The following TNR variants were observed in gnomAD, a reference collection of about 807,000 sequenced individuals.
The protein encoded by TNR is tenascin-R.
A neutral mutation model predicts 150.4 loss-of-function variants in TNR; 45 were observed. That is an observed-to-expected ratio of 0.30 (90% CI 0.24 to 0.38). TNR has a LOEUF of 0.38. TNR is among the 10% of genes least tolerant of loss of function. TNR has a pLI of 1.00. For missense variants in TNR, 1,544 were observed against 1,759.1 expected, an observed-to-expected ratio of 0.88 and a Z score of 2.19; for synonymous variants, 687 against 678.4, an observed-to-expected ratio of 1.01 and a Z score of -0.20.
In TNR at chr1:175,570,350, G is replaced by A. The variant is rs146689500; in HGVS notation, c.-164-41981C>T. Reference sequence around the variant, plus strand: ...TGGTAATTGAGGGCAGTTGGGGTGCGGAGGAGAAAAAAGAAAGGAGCTGAG... The same window carrying A: ...TGGTAATTGAGGGCAGTTGGGGTGCAGAGGAGAAAAAAGAAAGGAGCTGAG... On this transcript the variant is annotated intron_variant, in intron 1 of 22. Coordinates refer to ENST00000367674, the MANE Select transcript of TNR (RefSeq NM_003285.3). 1.8e-3 allele frequency among the ~76,000 whole-genome samples: 271 copies of A among 152,234 alleles called. 4 individuals carry two copies. The East Asian group carries it at 0.042, about 24-fold the overall frequency.
chr1:175,414,596 G>A (rs1201485748), intron 2 of TNR, among the ~76,000 whole-genome samples: 2 of 152,122 alleles, frequency 1.3e-5, no homozygotes, highest in East Asian at 1.9e-4. Flanking sequence ...AGGTGTCTCC[G>A]GGTAATTTGT....
At chr1:175,564,045 G>C (rs940913759) in intron 1 of TNR, among the ~76,000 whole-genome samples, 1 of 152,216 alleles carries the variant, frequency 6.6e-6, no homozygotes, top group Non-Finnish European at 1.5e-5. Context: ...TAGAGAACCA[G>C]TTGTTGATTT....
intron 2 of TNR, among the ~76,000 whole-genome samples, chr1:175,507,673 T>G (rs923571302): frequency 6.6e-6 from 1 of 152,204 alleles, no homozygotes; most frequent in Non-Finnish European, 1.5e-5. Flanking sequence ...CCCAGCATAA[T>G]GAACTCCTAC....
chr1:175,431,905 C>T (rs953853679), intron 2 of TNR, among the ~76,000 whole-genome samples: 1 of 130,156 alleles, frequency 7.7e-6, no homozygotes, highest in African/African-American at 2.7e-5. Context: ...GTTTATGGAC[C>T]ATAATATCTC....
intron 1 of TNR, among the ~76,000 whole-genome samples, chr1:175,704,677 C>G (rs1299361887): frequency 6.6e-6 from 1 of 152,188 alleles, no homozygotes; most frequent in Non-Finnish European, 1.5e-5. Context: ...AGTAGAATCT[C>G]CTAATGGCTT....
chr1:175,530,625 C>T (rs1660024630), intron 1 of TNR, among the ~76,000 whole-genome samples: 3 of 152,206 alleles, frequency 2.0e-5, no homozygotes, highest in Admixed American at 2.0e-4. Context: ...TTTGACTTAA[C>T]ATACAAACAT....
chr1:175,420,353 C>T (rs1284117547), intron 2 of TNR, among the ~76,000 whole-genome samples: 2 of 152,288 alleles, frequency 1.3e-5, no homozygotes, highest in Admixed American at 6.5e-5. Context: ...TCATTCCCTC[C>T]GTAGTCAAAT....
intron 1 of TNR, among the ~76,000 whole-genome samples, chr1:175,656,186 GTGTGTA>G (rs1191754822): frequency 2.1e-3 from 311 of 144,736 alleles, no homozygotes; most frequent in Non-Finnish European, 3.4e-3. Flanking sequence ...GTGTGTGTGT[GTGTGTA>G]TGTGGTCTAC....
chr1:175,407,689 G>A (rs1434092566), intron 2 of TNR, among the ~76,000 whole-genome samples: 1 of 152,196 alleles, frequency 6.6e-6, no homozygotes, highest in Non-Finnish European at 1.5e-5. Context: ...GTCACAACTA[G>A]GATTTACTGT....
At chr1:175,637,079 G>A (rs530688051) in intron 1 of TNR, among the ~76,000 whole-genome samples, 1 of 152,226 alleles carries the variant, frequency 6.6e-6, no homozygotes, top group African/African-American at 2.4e-5. Flanking sequence ...ATATCAGCCA[G>A]TTAGTCCCTA....
intron 1 of TNR, among the ~76,000 whole-genome samples, chr1:175,625,723 A>T (rs746560888): frequency 5.3e-5 from 8 of 152,242 alleles, no homozygotes; most frequent in Non-Finnish European, 1.2e-4. Flanking sequence ...CAGCAGCATC[A>T]GAGCAGACGG....
chr1:175,377,470 T>C (rs1458399395), intron 9 of TNR, among the ~76,000 whole-genome samples: 1 of 151,748 alleles, frequency 6.6e-6, no homozygotes, highest in Non-Finnish European at 1.5e-5. Flanking sequence ...TTTTTTTTTT[T>C]TTTTTTTTGG....
chr1:175,357,051 T>G (rs1651366531), intron 15 of TNR, among the ~76,000 whole-genome samples: 1 of 152,248 alleles, frequency 6.6e-6, no homozygotes, highest in African/African-American at 2.4e-5. Flanking sequence ...CCAAGATTAT[T>G]GCTAATCAAA....
intron 3 of TNR, 68 bp downstream of exon 3, chr1:175,406,148 C>A: frequency 6.5e-7 from 1 of 1,543,896 alleles, no homozygotes; most frequent in South Asian, 1.3e-5. Context: ...CCTTCTTGTT[C>A]ACTCTCCCTC....
At chr1:175,379,267 A>G (rs182562402) in intron 9 of TNR, among the ~76,000 whole-genome samples, 2 of 151,810 alleles carry the variant, frequency 1.3e-5, no homozygotes, top group Admixed American at 1.3e-4. Context: ...AATGGTTAAG[A>G]TAATAGATGA....
intron 1 of TNR, among the ~76,000 whole-genome samples, chr1:175,568,811 A>G (rs1661749983): frequency 6.6e-6 from 1 of 152,200 alleles, no homozygotes; most frequent in African/African-American, 2.4e-5. Context: ...TTCCAGATAG[A>G]TGAAATGGAA....
intron 2 of TNR, among the ~76,000 whole-genome samples, chr1:175,443,371 G>A (rs1036409448): frequency 5.3e-5 from 8 of 152,202 alleles, no homozygotes; most frequent in Admixed American, 2.6e-4. Context: ...CGATCGAGGC[G>A]TGAATCCTGG....
intron 1 of TNR, among the ~76,000 whole-genome samples, chr1:175,532,467 G>T (rs1163198997): frequency 6.6e-6 from 1 of 152,204 alleles, no homozygotes; most frequent in African/African-American, 2.4e-5. Flanking sequence ...GCATACAAAT[G>T]TGAATGTTTC....
intron 1 of TNR, among the ~76,000 whole-genome samples, chr1:175,600,639 G>A (rs1194162076): frequency 6.6e-6 from 1 of 152,230 alleles, no homozygotes; most frequent in Non-Finnish European, 1.5e-5. Context: ...CAGCTGAGGG[G>A]TGAGTAGGAG....
Sources: allele counts gnomAD v4.1 joint callset (sites outside exome capture counted in the v4.1 genomes callset), GRCh38; gene constraint gnomAD v4.1.1; transcripts MANE v1.5; gene names NCBI Gene and HGNC (gene_info 2026-07-23, HGNC 2026-07-21).